The following BEND6 variants were observed in gnomAD, a reference collection of about 807,000 sequenced individuals.
BEND6 encodes the protein BEN domain-containing protein 6.
A neutral mutation model predicts 31.8 loss-of-function variants in BEND6; 24 were observed. The ratio of observed to expected loss-of-function variants is 0.75; its 90% confidence interval spans 0.55 to 1.06. The LOEUF is 1.06. BEND6 is among the 50% of genes least tolerant of loss of function. The probability of loss-of-function intolerance (pLI) is 0.00; values close to 1 mark genes in which losing one functional copy is unlikely to be tolerated. For missense variants in BEND6, 294 were observed against 327.4 expected (o/e 0.90, Z 0.79); for synonymous variants, 109 against 114.6 (o/e 0.95, Z 0.31).
chr6:56,965,420 T>C (rs1266510326), intron 1 of BEND6, among the ~76,000 whole-genome samples: 1 of 152,152 alleles, frequency 6.6e-6, no homozygotes, highest in African/African-American at 2.4e-5. Flanking sequence ...TTCATTAATA[T>C]ATGATATTAG....
At chr6:56,966,956 G>A (rs749512685) in intron 1 of BEND6, among the ~76,000 whole-genome samples, 6 of 152,192 alleles carry the variant, frequency 3.9e-5, no homozygotes, top group Non-Finnish European at 8.8e-5. Context: ...TTGATCAGTG[G>A]TAGGATGGAT....
chr6:57,023,468 T>C (rs1479679388), intron 6 of BEND6, among the ~76,000 whole-genome samples: 1 of 152,198 alleles, frequency 6.6e-6, no homozygotes, highest in East Asian at 1.9e-4. Context: ...TTGCATCACG[T>C]ATCTATTTCT....
intron 3 of BEND6, among the ~76,000 whole-genome samples, chr6:56,993,586 A>C (rs1343535185): frequency 6.6e-6 from 1 of 152,230 alleles, no homozygotes; most frequent in African/African-American, 2.4e-5. Context: ...TTTCCTAAGA[A>C]TATTTGTTAA....
At chr6:56,971,402 T>G (rs1360102317) in intron 1 of BEND6, among the ~76,000 whole-genome samples, 1 of 152,246 alleles carries the variant, frequency 6.6e-6, no homozygotes. Flanking sequence ...CTTCCTCCTT[T>G]TAGCTATTGT....
At chr6:56,965,667 CA>C (rs1345881870) in intron 1 of BEND6, among the ~76,000 whole-genome samples, 4 of 125,162 alleles carry the variant, frequency 3.2e-5, no homozygotes, top group Non-Finnish European at 4.9e-5. Flanking sequence ...GTCACACACA[CA>C]AAAAAATTTA....
intron 1 of BEND6, among the ~76,000 whole-genome samples, chr6:56,966,101 G>T (rs866092602): frequency 1.1e-4 from 16 of 151,760 alleles, no homozygotes; most frequent in Admixed American, 2.0e-4. Context: ...TTTTTTGTTT[G>T]TTTGTTTGTT....
Position 57,024,732 on chromosome 6 carries a change from C to T in BEND6, c.*10-1350C>T, listed in dbSNP as rs561790793. 2.0e-5 allele frequency among the ~76,000 whole-genome samples: 3 copies of T among 152,240 alleles called. No homozygotes were observed. The South Asian group carries it at 6.2e-4, about 32-fold the overall frequency. ...TTGGTGTTCTCTGACCTTCCTGTAC[C>T]TGGATATTTAGCTCTTCCTCAAGTT... On this transcript the variant is annotated intron_variant, in intron 6 of 6. Coordinates refer to ENST00000370746, the MANE Select transcript of BEND6 (RefSeq NM_152731.3).
chr6:56,973,307 C>A (rs1202114188), intron 1 of BEND6, among the ~76,000 whole-genome samples: 3 of 152,116 alleles, frequency 2.0e-5, no homozygotes, highest in Non-Finnish European at 2.9e-5. Context: ...AATAATAAAT[C>A]TGCTGTAGGA....
At chr6:56,978,558 T>G (rs2127850030) in intron 1 of BEND6, among the ~76,000 whole-genome samples, 1 of 152,330 alleles carries the variant, frequency 6.6e-6, no homozygotes, top group African/African-American at 2.4e-5. Context: ...AAGATCACCT[T>G]GGCAATTTCT....
chr6:56,987,517 C>G (rs938092741), intron 2 of BEND6, among the ~76,000 whole-genome samples: 3 of 152,154 alleles, frequency 2.0e-5, no homozygotes, highest in South Asian at 4.1e-4. Flanking sequence ...AAGGAGCCAG[C>G]CTGCTGTTCT....
At chr6:56,956,813 G>A (rs1417190508) in intron 1 of BEND6, among the ~76,000 whole-genome samples, 2 of 152,212 alleles carry the variant, frequency 1.3e-5, no homozygotes, top group South Asian at 2.1e-4. Flanking sequence ...CAACAATTAT[G>A]CAGAGGTTAT....
chr6:56,990,759 T>G (rs1826466503), intron 2 of BEND6, among the ~76,000 whole-genome samples: 2 of 152,254 alleles, frequency 1.3e-5, no homozygotes, highest in Non-Finnish European at 1.5e-5. Flanking sequence ...TCTGAGATTT[T>G]TATTGAATTT....
In BEND6 at chr6:56,992,511, G is replaced by A. The variant is rs755317583; in HGVS notation, c.254G>A (p.Arg85Gln). The change falls in exon 3 of 7, where the codon CGG (arginine) becomes CAG (glutamine). Residue 85 changes from arginine to glutamine, a missense_variant. By Grantham distance (43) the Arg-to-Gln change is conservative. Coordinates refer to ENST00000370746, the MANE Select transcript of BEND6 (RefSeq NM_152731.3). ...KSLKEKLTNTRKENSRLRQSL... is the reference protein window; with the variant it reads ...KSLKEKLTNTQKENSRLRQSL... ...CTGAAAGAAAAACTAACAAACACCC[G>A]GAAAGAAAACAGCCGACTTCGACAG... The A allele has an allele frequency of 1.1e-5, 18 of 1,613,708 alleles. No homozygotes were observed. Among genetic ancestry groups the A allele is most frequent in the Admixed American group, 8.3e-5 (5 of 59,964 alleles).
rs1826087758 is a variant in BEND6, at chr6:56,981,947, C to T, written c.120+17C>T. On this transcript the variant is annotated intron_variant, in intron 2 of 6. Transcript: ENST00000370746. ...AAAGGACAGGTTGGTTTTTTGTTAC[C>T]TTGACTCAACTTTGTTATCTAGCTC... 1 of 1,596,512 alleles carries T rather than the reference C, an allele frequency of 6.3e-7. No individual in the cohort carries two copies. The highest frequency in any genetic ancestry group is 2.3e-5 in the East Asian group (1 of 44,064).
intron 5 of BEND6, among the ~76,000 whole-genome samples, chr6:57,018,080 A>G (rs1344208957): frequency 2.2e-5 from 3 of 135,610 alleles, no homozygotes; most frequent in African/African-American, 7.7e-5. Context: ...GAAAAAGATC[A>G]GTCAGAGTTT....
intron 6 of BEND6, among the ~76,000 whole-genome samples, chr6:57,023,944 T>C (rs1285197763): frequency 6.6e-6 from 1 of 152,236 alleles, no homozygotes; most frequent in Non-Finnish European, 1.5e-5. Context: ...AATTTGTTGC[T>C]TTTTATTTTT....
chr6:56,964,410 T>TGACTGTTC (rs1354743140), intron 1 of BEND6, among the ~76,000 whole-genome samples: 1 of 152,200 alleles, frequency 6.6e-6, no homozygotes, highest in African/African-American at 2.4e-5. Flanking sequence ...TGTGTCCTGC[T>TGACTGTTC]GACTGTTCTA....
At chr6:56,990,139 T>A (rs1435556800) in intron 2 of BEND6, among the ~76,000 whole-genome samples, 1 of 152,168 alleles carries the variant, frequency 6.6e-6, no homozygotes, top group Non-Finnish European at 1.5e-5. Context: ...TTAACCAGTT[T>A]TTTCAAGCTT....
At position 56,981,733 on chromosome 6, in the gene BEND6, A is replaced by G; in HGVS notation, c.-78A>G. On this transcript the variant is annotated 5_prime_UTR_variant, in exon 2 of 7. Coordinates refer to ENST00000370746, the MANE Select transcript of BEND6 (RefSeq NM_152731.3). ...AAGGGAAAGCATTAACTTTTGAGCTACGTCCAGAATAGCATCATCTTCATG... is the reference window on the plus strand; with the variant it reads ...AAGGGAAAGCATTAACTTTTGAGCTGCGTCCAGAATAGCATCATCTTCATG... The G allele has an allele frequency of 6.6e-7, 1 of 1,512,486 alleles. No individual in the cohort carries two copies. Among genetic ancestry groups the G allele is most frequent in the South Asian group, 1.2e-5 (1 of 81,328 alleles). 93.7% of individuals were successfully genotyped at this position (1,512,486 alleles called of 1,614,324 possible).
Sources: allele counts gnomAD v4.1 joint callset (sites outside exome capture counted in the v4.1 genomes callset), GRCh38; gene constraint gnomAD v4.1.1; transcripts MANE v1.5; gene names NCBI Gene and HGNC (gene_info 2026-07-23, HGNC 2026-07-21).